CAMSAP2: variants seen among roughly 807,000 people sequenced by gnomAD.
The protein encoded by CAMSAP2 is calmodulin regulated spectrin associated protein family member 2, also known as calmodulin-regulated spectrin-associated protein 2.
CAMSAP2 carries 26 observed loss-of-function variants against 146.1 expected under a neutral mutation model. The observed-to-expected ratio is 0.18, with a 90% CI of 0.13 to 0.25. The LOEUF is 0.25. Among genes scored for constraint, CAMSAP2 ranks in the 10% least tolerant of loss-of-function variants. The pLI is 1.00. For synonymous variants in CAMSAP2, 499 were observed against 596.6 expected (o/e 0.84, Z 2.38); for missense variants, 1,381 against 1,759.3 (o/e 0.78, Z 3.85).
chr1:200,816,665 C>T (rs1290961909), intron 4 of CAMSAP2, among the ~76,000 whole-genome samples: 5 of 141,956 alleles, frequency 3.5e-5, no homozygotes, highest in Non-Finnish European at 7.7e-5. Context: ...CACACATACA[C>T]ATGTGTATAT....
chr1:200,804,205 C>T (rs78455821), intron 2 of CAMSAP2, among the ~76,000 whole-genome samples: 3 of 152,130 alleles, frequency 2.0e-5, no homozygotes, highest in East Asian at 3.9e-4. Flanking sequence ...GGATTACAAG[C>T]GTGAGCCACC....
intron 1 of CAMSAP2, among the ~76,000 whole-genome samples, chr1:200,756,469 A>G (rs1308724175): frequency 6.6e-6 from 1 of 152,020 alleles, no homozygotes; most frequent in Non-Finnish European, 1.5e-5. Context: ...AAAAAGAAAA[A>G]AAAAAGAAAA....
intron 4 of CAMSAP2, among the ~76,000 whole-genome samples, chr1:200,820,697 G>A (rs1666735089): frequency 6.6e-6 from 1 of 152,100 alleles, no homozygotes; most frequent in African/African-American, 2.4e-5. Flanking sequence ...AGTACTATTT[G>A]AGAGAAGGGC....
intron 2 of CAMSAP2, among the ~76,000 whole-genome samples, chr1:200,776,560 A>T (rs1553281714): frequency 6.6e-6 from 1 of 152,158 alleles, no homozygotes; most frequent in Non-Finnish European, 1.5e-5. Context: ...GTGCACAGGA[A>T]GGGCAGGAAA....
At position 200,738,918 on chromosome 1, in the gene CAMSAP2, A is replaced by C. The variant is rs897064576; in HGVS notation, c.-910A>C. Among the ~76,000 whole-genome samples the C allele has an allele frequency of 1.3e-5, 2 of 150,210 alleles. No individual in the cohort carries two copies. The highest frequency in any genetic ancestry group is 4.9e-5 in the African/African-American group (2 of 40,638). On this transcript the variant is annotated 5_prime_UTR_variant, in exon 1 of 17. Transcript: ENST00000358823. ...AGTCTCCGCATCTGCTCCTTCATCC[A>C]GTGCCGCAGCCGGAAAACCGCAGCG... is the stretch of plus-strand genomic sequence containing the variant.
At chr1:200,808,822 T>C (rs1353470087) in intron 3 of CAMSAP2, among the ~76,000 whole-genome samples, 2 of 152,240 alleles carry the variant, frequency 1.3e-5, no homozygotes, top group Non-Finnish European at 2.9e-5. Flanking sequence ...CTCACAATCT[T>C]ATTGGACTTC....
chr1:200,754,502 G>A (rs1664591817), intron 1 of CAMSAP2, among the ~76,000 whole-genome samples: 1 of 150,606 alleles, frequency 6.6e-6, no homozygotes, highest in Admixed American at 6.6e-5. Context: ...TGCCTGAACC[G>A]ATTATTGCTG....
At chr1:200,748,503 T>A (rs1158855781) in intron 1 of CAMSAP2, among the ~76,000 whole-genome samples, 1 of 152,216 alleles carries the variant, frequency 6.6e-6, no homozygotes, top group Non-Finnish European at 1.5e-5. Context: ...AATTCGTTGA[T>A]ATCTCTTTAT....
intron 9 of CAMSAP2, 93 bp downstream of exon 9, chr1:200,847,385 G>GTTT: frequency 2.4e-6 from 2 of 832,944 alleles, no homozygotes; most frequent in African/African-American, 1.8e-5. Context: ...AATATCCAGG[G>GTTT]TTTTTTTGTG....
chr1:200,753,184 G>A (rs1224432556), intron 1 of CAMSAP2, among the ~76,000 whole-genome samples: 1 of 151,550 alleles, frequency 6.6e-6, no homozygotes, highest in African/African-American at 2.4e-5. Context: ...TGTGGTTCCA[G>A]CTACTCGGTA....
intron 4 of CAMSAP2, among the ~76,000 whole-genome samples, chr1:200,828,868 A>C (rs900654980): frequency 1.3e-5 from 2 of 152,030 alleles, no homozygotes; most frequent in African/African-American, 4.8e-5. Context: ...AAAAAAAAAA[A>C]ACTTATGGGC....
At chr1:200,764,879 G>A (rs1428716583) in intron 2 of CAMSAP2, among the ~76,000 whole-genome samples, 1 of 152,154 alleles carries the variant, frequency 6.6e-6, no homozygotes, top group Non-Finnish European at 1.5e-5. Context: ...CAAGGCGGGT[G>A]GTTCACCTGA....
At chr1:200,795,849 A>T (rs949293739) in intron 2 of CAMSAP2, among the ~76,000 whole-genome samples, 2 of 152,180 alleles carry the variant, frequency 1.3e-5, no homozygotes, top group African/African-American at 4.8e-5. Flanking sequence ...CTTCCTAAAA[A>T]TTTGGGCAGA....
intron 6 of CAMSAP2, among the ~76,000 whole-genome samples, chr1:200,836,272 G>A (rs1386420244): frequency 2.0e-5 from 3 of 151,948 alleles, no homozygotes; most frequent in East Asian, 1.9e-4. Flanking sequence ...CCTTCCACTC[G>A]TGGATAGTTT....
chr1:200,820,439 G>T (rs1269962749), intron 4 of CAMSAP2, among the ~76,000 whole-genome samples: 4 of 152,180 alleles, frequency 2.6e-5, no homozygotes, highest in Admixed American at 2.6e-4. Context: ...GAGGTATTTT[G>T]CAAGGGAGTA....
intron 3 of CAMSAP2, 138 bp from the exon 4 acceptor site, chr1:200,815,423 T>G (rs1455500808): frequency 4.4e-5 from 19 of 427,550 alleles, no homozygotes; most frequent in Non-Finnish European, 7.6e-5. Flanking sequence ...AGCTGAAATT[T>G]TCTTTATTTG....
At chr1:200,830,227 T>C (rs1667007807) in intron 4 of CAMSAP2, among the ~76,000 whole-genome samples, 1 of 152,176 alleles carries the variant, frequency 6.6e-6, no homozygotes, top group South Asian at 2.1e-4. Context: ...TTTAGGAAAA[T>C]GTTTTGGCAT....
At chr1:200,835,400 G>T (rs1271330511) in intron 6 of CAMSAP2, among the ~76,000 whole-genome samples, 2 of 152,188 alleles carry the variant, frequency 1.3e-5, no homozygotes, top group African/African-American at 4.8e-5. Context: ...ACTATTATAT[G>T]CTAGACACTG....
chr1:200,744,744 T>C (rs1467624017), intron 1 of CAMSAP2, among the ~76,000 whole-genome samples: 1 of 152,150 alleles, frequency 6.6e-6, no homozygotes, highest in Non-Finnish European at 1.5e-5. Context: ...ATTTAAGCTA[T>C]AGGCTGAATT....
Sources: allele counts gnomAD v4.1 joint callset (sites outside exome capture counted in the v4.1 genomes callset), GRCh38; gene constraint gnomAD v4.1.1; transcripts MANE v1.5; gene names NCBI Gene and HGNC (gene_info 2026-07-23, HGNC 2026-07-21).